KLHL3: variants seen among roughly 807,000 people sequenced by gnomAD.
The protein encoded by KLHL3 is kelch-like protein 3.
A neutral mutation model predicts 70.5 loss-of-function variants in KLHL3; 19 were observed. That is an observed-to-expected ratio of 0.27 (90% CI 0.19 to 0.40). The LOEUF is 0.40. Ranked by LOEUF, KLHL3 falls within the 10% of genes least tolerant of loss-of-function variation. KLHL3 has a pLI of 1.00. For synonymous variants in KLHL3, 258 were observed against 290.3 expected, an observed-to-expected ratio of 0.89 and a Z score of 1.13; for missense variants, 512 against 771.1, an observed-to-expected ratio of 0.66 and a Z score of 3.98.
At chr5:137,718,222 A>C (rs1752932925) in intron 2 of KLHL3, among the ~76,000 whole-genome samples, 1 of 152,260 alleles carries the variant, frequency 6.6e-6, no homozygotes. Context: ...AAAGAGAAGA[A>C]GAAGCAGGAC....
At chr5:137,685,073 A>T (rs929378366) in intron 5 of KLHL3, among the ~76,000 whole-genome samples, 2 of 152,228 alleles carry the variant, frequency 1.3e-5, no homozygotes. Flanking sequence ...AAAGCCGAGG[A>T]CCTATCAGAA....
chr5:137,703,262 T>C (rs563156300), intron 3 of KLHL3, among the ~76,000 whole-genome samples: 5 of 152,212 alleles, frequency 3.3e-5, no homozygotes, highest in Non-Finnish European at 5.9e-5. Flanking sequence ...TCTCATGTTC[T>C]GGGTAGAGAG....
intron 8 of KLHL3, among the ~76,000 whole-genome samples, chr5:137,640,739 C>CG (rs961641082): frequency 7.2e-5 from 11 of 151,962 alleles, no homozygotes; most frequent in East Asian, 2.0e-4. Context: ...AGCCACCCCC[C>CG]CCAACTCCTG....
At chr5:137,622,653 C>G (rs1260782412) in intron 14 of KLHL3, among the ~76,000 whole-genome samples, 1 of 152,230 alleles carries the variant, frequency 6.6e-6, no homozygotes, top group Non-Finnish European at 1.5e-5. Flanking sequence ...TCTTTAGGCT[C>G]AGTTCCCACA....
rs746155082 is a variant in KLHL3 at position 137,661,992 on chromosome 5, C to T, written c.676G>A (p.Glu226Lys). The T allele has an allele frequency of 1.2e-6, 2 of 1,612,502 alleles. No homozygotes were observed. The highest frequency in any genetic ancestry group is 3.3e-5 in the Admixed American group (2 of 59,868). Residue 226 changes from glutamate (E) to lysine (K), a missense_variant, in exon 7 of 15, where the codon GAA becomes AAA. Coordinates refer to ENST00000309755, the MANE Select transcript of KLHL3 (RefSeq NM_017415.3). ...AVISWINYEK[E>K]TRLEHMAKLM... The stretch of plus-strand genomic sequence containing the variant: ...TTTGCCATGTGCTCTAAACGGGTTT[C>T]TTTCTCATAATTGATCCATGAGATC...
chr5:137,673,777 G>A (rs939815793), intron 6 of KLHL3: 14 of 152,166 alleles, frequency 9.2e-5, no homozygotes, highest in Non-Finnish European at 1.9e-4. Context: ...TACCCTCACA[G>A]CCCTCAAGGC....
chr5:137,662,580 C>T (rs1561596067), intron 6 of KLHL3, among the ~76,000 whole-genome samples: 2 of 152,170 alleles, frequency 1.3e-5, no homozygotes, highest in Non-Finnish European at 2.9e-5. Context: ...GCAAACATTT[C>T]TCCTTGAGGA....
intron 6 of KLHL3, among the ~76,000 whole-genome samples, chr5:137,674,090 T>C (rs1177461870): frequency 6.6e-6 from 1 of 152,196 alleles, no homozygotes; most frequent in East Asian, 1.9e-4. Flanking sequence ...CTTACAGTAA[T>C]GAACACTTCT....
intron 5 of KLHL3, among the ~76,000 whole-genome samples, chr5:137,690,697 G>A (rs1055666412): frequency 3.3e-5 from 5 of 152,192 alleles, no homozygotes; most frequent in Non-Finnish European, 5.9e-5. Context: ...TGGGGTCAGG[G>A]ACTTAATCAG....
chr5:137,714,452 C>T (rs1427947670), intron 2 of KLHL3, among the ~76,000 whole-genome samples: 2 of 152,164 alleles, frequency 1.3e-5, no homozygotes, highest in African/African-American at 4.8e-5. Context: ...AAATATTATT[C>T]TGCAATAAAA....
chr5:137,673,986 C>G (rs1423033175), intron 6 of KLHL3: 1 of 152,172 alleles, frequency 6.6e-6, no homozygotes, highest in Non-Finnish European at 1.5e-5. Flanking sequence ...GGGAAGACTC[C>G]CCCTTAGGAA....
chr5:137,628,512 C>T, intron 12 of KLHL3, 75 bp from the exon 13 acceptor site: 1 of 1,546,998 alleles, frequency 6.5e-7, no homozygotes, highest in African/African-American at 1.4e-5. Context: ...GGCATCCAGT[C>T]CTGGACAGCC....
rs1021051206 is a variant in KLHL3 at position 137,627,482 on chromosome 5, C to T, written c.1591+815G>A. ...GTAAATTAGTAAATATCACCACCCC[C>T]CCCCCCGGTTTACACTTCCAAGTCA... On this transcript the variant is annotated intron_variant, in intron 13 of 14. Coordinates refer to ENST00000309755, the MANE Select transcript of KLHL3 (RefSeq NM_017415.3). Among the ~76,000 whole-genome samples the T allele has an allele frequency of 1.0e-4, 13 of 125,944 alleles. 4 individuals carry two copies. Among genetic ancestry groups the T allele is most frequent in the Non-Finnish European group, 1.8e-4 (10 of 55,226 alleles). The allele number at this position is 125,944 out of a possible 152,430, so 82.6% of individuals were successfully genotyped here. A position where few individuals can be genotyped will look rare whatever the true frequency, so the allele number is the denominator to read the frequency against.
intron 13 of KLHL3, among the ~76,000 whole-genome samples, chr5:137,627,346 C>T (rs1447924167): frequency 6.6e-6 from 1 of 151,968 alleles, no homozygotes; most frequent in African/African-American, 2.4e-5. Context: ...ACATTTACAT[C>T]TAAACTGAAT....
chr5:137,711,999 CAA>C (rs879435852), intron 2 of KLHL3, among the ~76,000 whole-genome samples: 2 of 129,522 alleles, frequency 1.5e-5, no homozygotes, highest in Non-Finnish European at 3.3e-5. Context: ...ACTAAAAATA[CAA>C]AAAAAAAAAA....
intron 8 of KLHL3, among the ~76,000 whole-genome samples, chr5:137,655,614 G>A (rs80068268): frequency 6.6e-6 from 1 of 152,108 alleles, no homozygotes; most frequent in Non-Finnish European, 1.5e-5. Context: ...GAGGCAAATT[G>A]CAAACTAAGA....
chr5:137,672,447 G>T (rs143128846), intron 6 of KLHL3, among the ~76,000 whole-genome samples: 1 of 152,154 alleles, frequency 6.6e-6, no homozygotes, highest in Admixed American at 6.5e-5. Flanking sequence ...AGACAACAGC[G>T]CATTTTAAAA....
At chr5:137,647,719 A>C in intron 8 of KLHL3, 1 of 406,456 alleles carries the variant, frequency 2.5e-6, no homozygotes, top group East Asian at 7.4e-5. Context: ...GTTCCTGAGC[A>C]ACAGTTGCTC....
Position 137,618,494 on chromosome 5 carries a change from C to A in KLHL3, c.*3604G>T, listed in dbSNP as rs1756288105. ...ACACACAGGGATCATGAGGATTGAC[C>A]CCTCTTTTAAAGGTTAGAGACAAGA... On this transcript the variant is annotated 3_prime_UTR_variant, in exon 15 of 15. Coordinates refer to ENST00000309755, the MANE Select transcript of KLHL3 (RefSeq NM_017415.3). 6.6e-6 allele frequency: 1 copy of A among 151,986 alleles called. No homozygotes were observed. Among genetic ancestry groups the A allele is most frequent in the African/African-American group, 2.4e-5 (1 of 41,380 alleles). The allele number at this position is 151,986 out of a possible 1,614,324, so 9.4% of individuals were successfully genotyped here. A position where few individuals can be genotyped will look rare whatever the true frequency, so the allele number is the denominator to read the frequency against.
Sources: gnomAD v4.1 joint callset for allele counts (sites outside exome capture counted in the v4.1 genomes callset) on GRCh38, gnomAD v4.1.1 for gene constraint, MANE v1.5 for transcripts, NCBI Gene and HGNC (gene_info 2026-07-23, HGNC 2026-07-21) for gene names.